Variants in TNRC6B observed in about 807,000 individuals in gnomAD.
TNRC6B encodes trinucleotide repeat-containing gene 6B protein.
In TNRC6B, 52 loss-of-function variants were observed where a neutral mutation model predicts 203.6. The ratio of observed to expected loss-of-function variants is 0.26; its 90% CI spans 0.20 to 0.32. The LOEUF (loss-of-function observed/expected upper bound fraction) is 0.32, where lower values mean the gene tolerates loss of function less well. TNRC6B is among the 10% of genes least tolerant of loss of function. TNRC6B has a pLI of 1.00. For synonymous variants in TNRC6B, 838 were observed against 845.7 expected, an observed-to-expected ratio of 0.99 and a Z score of 0.16; for missense variants, 1,923 against 2,286.2, an observed-to-expected ratio of 0.84 and a Z score of 3.24.
intron 19 of TNRC6B, among the ~76,000 whole-genome samples, 176 bp downstream of exon 19, chr22:40,313,173 T>C (rs2071209922): frequency 6.6e-6 from 1 of 152,212 alleles, no homozygotes; most frequent in Admixed American, 6.5e-5. Flanking sequence ...GAACTTCTAG[T>C]CTCAGGAAGG....
intron 1 of TNRC6B, among the ~76,000 whole-genome samples, chr22:40,207,728 A>G (rs2143175): frequency 0.29 from 44,415 of 151,786 alleles, 7,531 homozygotes; most frequent in South Asian, 0.45. Flanking sequence ...TGGAGGGGGA[A>G]ATACAACTTA....
intron 1 of TNRC6B, among the ~76,000 whole-genome samples, chr22:40,197,771 TAATTAAA>T (rs1221748135): frequency 6.6e-6 from 1 of 151,454 alleles, no homozygotes; most frequent in Non-Finnish European, 1.5e-5. Flanking sequence ...CGTGCCTGGC[TAATTAAA>T]AAAAACTTCT....
At chr22:40,159,996 T>G (rs979996935) in intron 4 of TNRC6B, among the ~76,000 whole-genome samples, 1 of 152,040 alleles carries the variant, frequency 6.6e-6, no homozygotes, top group African/African-American at 2.4e-5. Flanking sequence ...AAATTTTTTT[T>G]GTAGAAATGA....
intron 3 of TNRC6B, among the ~76,000 whole-genome samples, chr22:40,255,070 G>T (rs2070251105): frequency 1.3e-5 from 2 of 152,262 alleles, no homozygotes; most frequent in South Asian, 4.1e-4. Context: ...GGTTCGTTGA[G>T]CTCCCAGGGA....
intron 3 of TNRC6B, among the ~76,000 whole-genome samples, chr22:40,143,783 A>G (rs539901915): frequency 6.6e-6 from 1 of 152,344 alleles, no homozygotes; most frequent in South Asian, 2.1e-4. Context: ...GGCGTGAGCC[A>G]CTGTGCCCGG....
At chr22:40,302,249 G>A (rs993367835) in intron 15 of TNRC6B, among the ~76,000 whole-genome samples, 6 of 152,088 alleles carry the variant, frequency 3.9e-5, no homozygotes, top group Non-Finnish European at 8.8e-5. Context: ...ATTTTAAAAT[G>A]GAAAAGATAC....
In TNRC6B at chr22:40,323,520, C is replaced by A; in HGVS notation, c.*279C>A. On this transcript the variant is annotated 3_prime_UTR_variant, in exon 23 of 23. Coordinates refer to ENST00000454349, the MANE Select transcript of TNRC6B (RefSeq NM_001162501.2). ...GCCAACCTAGAAAGACAATGTGAAG[C>A]AAGTACACATACCATTTAAATTTAA... The A allele has an allele frequency of 3.2e-6, 1 of 314,988 alleles. No homozygotes were observed. The highest frequency in any genetic ancestry group is 5.9e-6 in the Non-Finnish European group (1 of 170,824). The allele number at this position is 314,988 out of a possible 1,614,324, so 19.5% of individuals were successfully genotyped here.
intron 1 of TNRC6B, among the ~76,000 whole-genome samples, chr22:40,187,446 C>G (rs1245171850): frequency 3.3e-5 from 5 of 152,124 alleles, no homozygotes. Flanking sequence ...GGTAGAAGTT[C>G]CTAAACATAC....
chr22:40,275,576 CTCTT>C (rs1268910251), intron 7 of TNRC6B, among the ~76,000 whole-genome samples: 4 of 152,186 alleles, frequency 2.6e-5, no homozygotes, highest in Admixed American at 6.5e-5. Context: ...ATCCGCAGAA[CTCTT>C]TCTATCTTAC....
At chr22:40,168,029 A>G (rs571521940) in intron 4 of TNRC6B, among the ~76,000 whole-genome samples, 15 of 152,312 alleles carry the variant, frequency 9.8e-5, no homozygotes, top group Admixed American at 3.3e-4. Flanking sequence ...GGTCCTATCT[A>G]TCTGTTGAAA....
intron 3 of TNRC6B, among the ~76,000 whole-genome samples, chr22:40,129,964 G>T (rs1311361601): frequency 6.6e-6 from 1 of 152,194 alleles, no homozygotes; most frequent in South Asian, 2.1e-4. Flanking sequence ...TTTAATTGGA[G>T]TAGGAGGTGC....
chr22:40,239,096 A>G (rs1457693088), intron 1 of TNRC6B, among the ~76,000 whole-genome samples: 6 of 152,162 alleles, frequency 3.9e-5, no homozygotes, highest in Non-Finnish European at 8.8e-5. Context: ...TCAGCAACTC[A>G]GGAGGCTGAG....
At chr22:40,103,743 A>G (rs752075337) in intron 1 of TNRC6B, among the ~76,000 whole-genome samples, 1 of 151,864 alleles carries the variant, frequency 6.6e-6, no homozygotes, top group African/African-American at 2.4e-5. Context: ...CTCAGGTTCA[A>G]GCAATTCTCC....
At position 40,280,178 on chromosome 22, in the gene TNRC6B, T is replaced by C. The variant is rs559652795; in HGVS notation, c.3411+35T>C. ...ATCCTTTGTTTAAGATAATAATTCA[T>C]GAGAACCGCTTTGGTTCCCATTTGT... On this transcript the variant is annotated intron_variant, in intron 10 of 22. Transcript: ENST00000454349. 2.3e-5 allele frequency: 37 copies of C among 1,595,892 alleles called. No homozygotes were observed. The East Asian group carries it at 8.1e-4, about 35-fold the overall frequency.
chr22:40,201,208 T>A (rs563950217), intron 1 of TNRC6B, among the ~76,000 whole-genome samples: 6 of 152,270 alleles, frequency 3.9e-5, no homozygotes, highest in African/African-American at 1.2e-4. Flanking sequence ...TTAAAAAAAA[T>A]TTGGCTACCT....
At position 40,264,831 on chromosome 22, in the gene TNRC6B, C is replaced by T; in HGVS notation, c.601C>T (p.Pro201Ser). The T allele has an allele frequency of 1.2e-6, 2 of 1,613,886 alleles. No individual in the cohort carries two copies. Among genetic ancestry groups the T allele is most frequent in the Non-Finnish European group, 1.7e-6 (2 of 1,179,884 alleles). ...IVDGSDMEEW[P>S]CIASKDTESS... ...AGACGGGTCTGACATGGAAGAGTGG[C>T]CTTGTATTGCCAGCAAAGACACTGA... Residue 201 changes from proline to serine, a missense_variant, in exon 5 of 23, where the codon CCT becomes TCT. Coordinates refer to ENST00000454349, the MANE Select transcript of TNRC6B (RefSeq NM_001162501.2).
At chr22:40,048,087 T>C (rs916946979) in intron 1 of TNRC6B, among the ~76,000 whole-genome samples, 2 of 152,224 alleles carry the variant, frequency 1.3e-5, no homozygotes, top group African/African-American at 4.8e-5. Context: ...GATCTCTCCG[T>C]TCTACTATCA....
intron 4 of TNRC6B, chr22:40,156,203 A>G: frequency 6.4e-7 from 1 of 1,556,848 alleles, no homozygotes; most frequent in South Asian, 1.2e-5. Flanking sequence ...GTTTATTTAA[A>G]AAGAGTCCTA....
upstream of TNRC6B, among the ~76,000 whole-genome samples, chr22:40,174,486 T>C (rs1002401879): frequency 1.7e-4 from 26 of 152,316 alleles, no homozygotes; most frequent in African/African-American, 5.3e-4. Flanking sequence ...TGGCCAATCA[T>C]GTTTTCTGAT....
Sources: allele counts gnomAD v4.1 joint callset (sites outside exome capture counted in the v4.1 genomes callset), GRCh38; gene constraint gnomAD v4.1.1; transcripts MANE v1.5; gene names NCBI Gene and HGNC (gene_info 2026-07-23, HGNC 2026-07-21).